The following ASIC2 variants were observed in gnomAD, a reference collection of about 807,000 sequenced individuals.
The protein encoded by ASIC2 is acid sensing ion channel subunit 2.
In ASIC2, 25 loss-of-function variants were observed where a neutral mutation model predicts 57.3. The ratio of observed to expected loss-of-function variants is 0.44; its 90% CI spans 0.32 to 0.61. The LOEUF (loss-of-function observed/expected upper bound fraction) is 0.61, where lower values mean the gene tolerates loss of function less well. Among genes scored for constraint, ASIC2 ranks in the 20% least tolerant of loss-of-function variants. The pLI is 0.06. For missense variants in ASIC2, 641 were observed against 738.1 expected, an observed-to-expected ratio of 0.87 and a Z score of 1.52; for synonymous variants, 319 against 307.5, an observed-to-expected ratio of 1.04 and a Z score of -0.39.
At chr17:33,561,046 G>C (rs1485406708) in intron 1 of ASIC2, among the ~76,000 whole-genome samples, 1 of 152,112 alleles carries the variant, frequency 6.6e-6, no homozygotes, top group East Asian at 1.9e-4. Flanking sequence ...AAGCCTTTCT[G>C]TTTCCTGGGC....
intron 1 of ASIC2, among the ~76,000 whole-genome samples, chr17:33,397,542 G>A (rs1910123226): frequency 6.6e-6 from 1 of 152,222 alleles, no homozygotes; most frequent in Non-Finnish European, 1.5e-5. Flanking sequence ...AGGAAACTTA[G>A]AAGAATGATA....
chr17:33,039,610 C>T (rs1278411088), intron 3 of ASIC2, among the ~76,000 whole-genome samples: 1 of 152,184 alleles, frequency 6.6e-6, no homozygotes, highest in Non-Finnish European at 1.5e-5. Flanking sequence ...CCAGATATTA[C>T]CCTTGGCTGA....
intron 1 of ASIC2, among the ~76,000 whole-genome samples, chr17:33,491,332 G>A (rs1020662163): frequency 1.3e-5 from 2 of 152,100 alleles, no homozygotes; most frequent in African/African-American, 4.8e-5. Flanking sequence ...CAGGCCCAAG[G>A]GCTACTTGTC....
Position 33,182,313 on chromosome 17 carries a change from C to G in ASIC2, c.709-70246G>C, listed in dbSNP as rs1906018747. Among the ~76,000 whole-genome samples the G allele has an allele frequency of 2.0e-5, 3 of 152,128 alleles. No individual in the cohort carries two copies. The South Asian group carries it at 6.2e-4, about 32-fold the overall frequency. On this transcript the variant is annotated intron_variant, in intron 1 of 9. Transcript: ENST00000225823. ...ATTTTTGACCTGAGCACCTGGAAAG[C>G]TGGGGTTGCTACTGACTCTTACTTA...
chr17:33,922,292 C>T (rs370935089), intron 1 of ASIC2, among the ~76,000 whole-genome samples: 41 of 152,002 alleles, frequency 2.7e-4, no homozygotes, highest in Admixed American at 2.4e-3. Context: ...TCCCTCCTTC[C>T]TTCCCTCCCT....
chr17:33,596,250 C>T (rs1400380587), intron 1 of ASIC2, among the ~76,000 whole-genome samples: 1 of 152,144 alleles, frequency 6.6e-6, no homozygotes, highest in Non-Finnish European at 1.5e-5. Context: ...AACATGTAGG[C>T]ATGAAATGAC....
intron 1 of ASIC2, among the ~76,000 whole-genome samples, chr17:33,668,016 A>G (rs1305139606): frequency 6.6e-6 from 1 of 152,158 alleles, no homozygotes; most frequent in Non-Finnish European, 1.5e-5. Context: ...CCAACATATT[A>G]TTATAATACT....
chr17:33,139,710 G>A lies in ASIC2; in HGVS notation c.709-27643C>T, dbSNP rs572475019. ...CTCAGACTGGGCCCCTGGTTTCAAA[G>A]ACTCACTCCCAGACACCCCTATCAT... On this transcript the variant is annotated intron_variant, in intron 1 of 9. Transcript: ENST00000225823. 2.6e-5 allele frequency among the ~76,000 whole-genome samples: 4 copies of A among 152,292 alleles called. No homozygotes were observed. The South Asian group carries it at 6.2e-4, about 24-fold the overall frequency.
At chr17:33,269,917 C>A (rs550639765) in intron 1 of ASIC2, among the ~76,000 whole-genome samples, 1 of 152,202 alleles carries the variant, frequency 6.6e-6, no homozygotes. Context: ...CGTATCTGAG[C>A]CCACTGCCTC....
At chr17:33,414,263 A>G (rs1910761448) in intron 1 of ASIC2, among the ~76,000 whole-genome samples, 1 of 152,318 alleles carries the variant, frequency 6.6e-6, no homozygotes, top group African/African-American at 2.4e-5. Context: ...AGGTTAGACC[A>G]TGCAGGGATG....
intron 1 of ASIC2, among the ~76,000 whole-genome samples, chr17:33,491,231 G>A (rs1160081078): frequency 1.3e-5 from 2 of 152,142 alleles, no homozygotes; most frequent in African/African-American, 2.4e-5. Context: ...AACAAAGTGG[G>A]GTTCAGGCCA....
intron 6 of ASIC2, among the ~76,000 whole-genome samples, chr17:33,022,315 A>G (rs1275137074): frequency 2.0e-5 from 3 of 152,194 alleles, no homozygotes; most frequent in Admixed American, 2.0e-4. Flanking sequence ...TCCACTCCCC[A>G]GTCACAGGCT....
At chr17:33,495,610 C>T (rs1913906036) in intron 1 of ASIC2, among the ~76,000 whole-genome samples, 1 of 152,178 alleles carries the variant, frequency 6.6e-6, no homozygotes, top group African/African-American at 2.4e-5. Context: ...GCTTCAATCC[C>T]TTCAGTAAGT....
intron 1 of ASIC2, among the ~76,000 whole-genome samples, chr17:34,051,527 T>C (rs1908554386): frequency 6.6e-6 from 1 of 152,212 alleles, no homozygotes; most frequent in African/African-American, 2.4e-5. Flanking sequence ...CTATCAGTTA[T>C]TTTCAAATTG....
intron 1 of ASIC2, among the ~76,000 whole-genome samples, chr17:33,852,790 T>C (rs1215414653): frequency 6.6e-6 from 1 of 152,194 alleles, no homozygotes; most frequent in Non-Finnish European, 1.5e-5. Flanking sequence ...CAAATTGTCT[T>C]TCCCATTGGC....
intron 1 of ASIC2, among the ~76,000 whole-genome samples, chr17:33,748,268 C>T (rs1910326592): frequency 1.3e-5 from 2 of 152,226 alleles, no homozygotes; most frequent in African/African-American, 4.8e-5. Flanking sequence ...TCTTGGGCTT[C>T]TCCCATGCAA....
intron 1 of ASIC2, among the ~76,000 whole-genome samples, chr17:33,335,008 G>C (rs1305970260): frequency 6.6e-6 from 1 of 152,204 alleles, no homozygotes; most frequent in Non-Finnish European, 1.5e-5. Flanking sequence ...GAACCTGCCA[G>C]TTATTTGCTA....
chr17:33,367,008 A>C (rs1908835190), intron 1 of ASIC2, among the ~76,000 whole-genome samples: 1 of 152,256 alleles, frequency 6.6e-6, no homozygotes, highest in African/African-American at 2.4e-5. Context: ...AAAATTATGC[A>C]TGTTCTGCGT....
At chr17:34,065,365 G>A (rs969521353) in intron 1 of ASIC2, among the ~76,000 whole-genome samples, 2 of 152,108 alleles carry the variant, frequency 1.3e-5, no homozygotes, top group Admixed American at 6.6e-5. Flanking sequence ...GGGGAAGAGT[G>A]GAAGGGGAGC....
Sources: allele counts gnomAD v4.1 joint callset (sites outside exome capture counted in the v4.1 genomes callset), GRCh38; gene constraint gnomAD v4.1.1; transcripts MANE v1.5; gene names NCBI Gene and HGNC (gene_info 2026-07-23, HGNC 2026-07-21).